Variants in CARMIL1 observed in about 807,000 individuals in gnomAD.
The protein encoded by CARMIL1 is capping protein regulator and myosin 1 linker 1, also known as F-actin-uncapping protein LRRC16A.
A neutral mutation model predicts 177.1 loss-of-function variants in CARMIL1; 90 were observed. The observed-to-expected ratio is 0.51, with a 90% CI of 0.43 to 0.61. CARMIL1 has a LOEUF of 0.61. CARMIL1 is among the 20% of genes least tolerant of loss of function. CARMIL1 has a pLI of 0.00. For missense variants in CARMIL1, 1,380 were observed against 1,667.0 expected (o/e 0.83, Z 3.00); for synonymous variants, 577 against 606.2 (o/e 0.95, Z 0.71).
At chr6:25,339,033 ATT>A (rs11334073) in intron 2 of CARMIL1, among the ~76,000 whole-genome samples, 3 of 151,768 alleles carry the variant, frequency 2.0e-5, no homozygotes, top group Admixed American at 6.6e-5. Flanking sequence ...CCTTTTCATG[ATT>A]TTTTTTCTTA....
At chr6:25,495,742 C>T (rs1803643174) in intron 16 of CARMIL1, among the ~76,000 whole-genome samples, 1 of 151,980 alleles carries the variant, frequency 6.6e-6, no homozygotes, top group Non-Finnish European at 1.5e-5. Context: ...GGTTAATATC[C>T]CTAGTGTAGG....
intron 4 of CARMIL1, among the ~76,000 whole-genome samples, chr6:25,430,803 A>G (rs1282743843): frequency 6.6e-6 from 1 of 152,038 alleles, no homozygotes; most frequent in Non-Finnish European, 1.5e-5. Context: ...TCTTTTCTTG[A>G]ATGAGCTTTG....
chr6:25,320,440 C>T (rs1444703619), intron 2 of CARMIL1, among the ~76,000 whole-genome samples: 2 of 152,198 alleles, frequency 1.3e-5, no homozygotes, highest in African/African-American at 4.8e-5. Flanking sequence ...CTTGTTTTAC[C>T]TTTATTTGGA....
At chr6:25,358,079 C>T (rs189582255) in intron 2 of CARMIL1, among the ~76,000 whole-genome samples, 3 of 152,222 alleles carry the variant, frequency 2.0e-5, no homozygotes, top group African/African-American at 7.2e-5. Flanking sequence ...AATAACTTTT[C>T]GGTAATAAAA....
chr6:25,390,308 A>ATTTTTTTTTTTT (rs1792629566), intron 2 of CARMIL1, among the ~76,000 whole-genome samples: 1 of 48,524 alleles, frequency 2.1e-5, no homozygotes, highest in Non-Finnish European at 5.3e-5. Flanking sequence ...ATATATATAT[A>ATTTTTTTTTTTT]TATATATATA....
intron 25 of CARMIL1, among the ~76,000 whole-genome samples, chr6:25,538,967 TG>T (rs956527109): frequency 2.0e-5 from 3 of 151,892 alleles, no homozygotes; most frequent in African/African-American, 7.3e-5. Context: ...ACTTTTGGGT[TG>T]ATGAACTCAT....
intron 35 of CARMIL1, among the ~76,000 whole-genome samples, chr6:25,608,316 C>T (rs1816181953): frequency 6.6e-6 from 1 of 151,994 alleles, no homozygotes; most frequent in African/African-American, 2.4e-5. Flanking sequence ...TATAATTATT[C>T]TATTATTGGG....
rs376452105 is a variant in CARMIL1 at position 25,340,042 on chromosome 6, TA to T, written c.138+55134del. On this transcript the variant is annotated intron_variant, in intron 2 of 36. Coordinates refer to ENST00000329474, the MANE Select transcript of CARMIL1 (RefSeq NM_017640.6). Reference sequence around the variant, plus strand: ...TGAAGAAATAATCGATTTTGTAATTTATTCGGCTCCTTATTACTTTTCCATT... The same window carrying T: ...TGAAGAAATAATCGATTTTGTAATTTTTCGGCTCCTTATTACTTTTCCATT... Among the ~76,000 whole-genome samples the T allele has an allele frequency of 4.6e-5, 7 of 152,224 alleles. No homozygotes were observed. In the East Asian group the frequency reaches 7.7e-4, roughly 17 times the overall value.
At chr6:25,285,643 G>T (rs1781462381) in intron 2 of CARMIL1, among the ~76,000 whole-genome samples, 1 of 152,142 alleles carries the variant, frequency 6.6e-6, no homozygotes, top group South Asian at 2.1e-4. Context: ...TTTTGATGGA[G>T]AGAATACTGT....
chr6:25,466,007 T>C, intron 9 of CARMIL1, 59 bp downstream of exon 9: 5 of 1,334,714 alleles, frequency 3.7e-6, no homozygotes, highest in Non-Finnish European at 5.4e-6. Flanking sequence ...AAAAACCCAA[T>C]AATTGTGGGA....
At chr6:25,393,679 T>A (rs72830753) in intron 2 of CARMIL1, 20,732 of 151,564 alleles carry the variant, frequency 0.14, 1,643 homozygotes, top group East Asian at 0.32. Context: ...TTTGAGACCA[T>A]TTTTGGCAAC....
chr6:25,399,456 G>A (rs919660418), intron 2 of CARMIL1, among the ~76,000 whole-genome samples: 2 of 152,162 alleles, frequency 1.3e-5, no homozygotes, highest in African/African-American at 4.8e-5. Flanking sequence ...TTGGTGACTG[G>A]ATATGAGGCA....
At chr6:25,402,722 G>A (rs1227627074) in intron 2 of CARMIL1, among the ~76,000 whole-genome samples, 1 of 152,092 alleles carries the variant, frequency 6.6e-6, no homozygotes, top group Non-Finnish European at 1.5e-5. Context: ...TAGCTACATC[G>A]TGGCTGGTGG....
In CARMIL1 at chr6:25,426,169, A is replaced by G. The variant is rs148965967; in HGVS notation, c.190-332A>G. Among the ~76,000 whole-genome samples the G allele has an allele frequency of 3.9e-4, 59 of 152,300 alleles. No homozygotes were observed. In the East Asian group the frequency reaches 0.011, roughly 29 times the overall value. ...CAAAGTAATTGCGTTTTTTGCTATT[A>G]CTTTTAATGGCAAAAACTGTGATTG... On this transcript the variant is annotated intron_variant, in intron 3 of 36. Coordinates refer to ENST00000329474, the MANE Select transcript of CARMIL1 (RefSeq NM_017640.6).
intron 20 of CARMIL1, among the ~76,000 whole-genome samples, chr6:25,511,103 T>A (rs1413936576): frequency 2.0e-5 from 3 of 152,134 alleles, no homozygotes; most frequent in African/African-American, 7.2e-5. Flanking sequence ...ACATTCTAGT[T>A]GACTTTATGA....
chr6:25,410,158 G>A (rs1312577430), intron 2 of CARMIL1, among the ~76,000 whole-genome samples: 3 of 147,488 alleles, frequency 2.0e-5, no homozygotes, highest in Admixed American at 6.8e-5. Context: ...CTGAGAGAAG[G>A]AAAGAAAATA....
chr6:25,404,191 C>A (rs539030087), intron 2 of CARMIL1, among the ~76,000 whole-genome samples: 1 of 152,330 alleles, frequency 6.6e-6, no homozygotes, highest in Non-Finnish European at 1.5e-5. Flanking sequence ...ACTTGAGGAG[C>A]CACATAGAAG....
intron 3 of CARMIL1, among the ~76,000 whole-genome samples, chr6:25,422,192 GGGTAA>G (rs1237044899): frequency 1.3e-5 from 2 of 152,138 alleles, no homozygotes; most frequent in African/African-American, 2.4e-5. Flanking sequence ...CCAGGAAAAT[GGGTAA>G]GGTCTGGTAG....
rs1692746650 is a variant in CARMIL1 at position 25,280,448 on chromosome 6, CA to C, written c.40+614del. Among the ~76,000 whole-genome samples, 10 of 152,106 alleles carry C rather than the reference CA, an allele frequency of 6.6e-5. No individual in the cohort carries two copies. In the South Asian group the frequency reaches 1.9e-3, roughly 28 times the overall value. On this transcript the variant is annotated intron_variant, in intron 1 of 36. Coordinates refer to ENST00000329474, the MANE Select transcript of CARMIL1 (RefSeq NM_017640.6). ...AAGGGTTACAGGGCTGACGCAGACT[CA>C]GGCCAGGAAATAGAGGGTTAATGAT...
Sources: allele counts gnomAD v4.1 joint callset (sites outside exome capture counted in the v4.1 genomes callset), GRCh38; gene constraint gnomAD v4.1.1; transcripts MANE v1.5; gene names NCBI Gene and HGNC (gene_info 2026-07-23, HGNC 2026-07-21).